The following PTPN21 variants were observed in gnomAD, a reference collection of about 807,000 sequenced individuals.
PTPN21 encodes the protein tyrosine-protein phosphatase non-receptor type 21.
A neutral mutation model predicts 131.8 loss-of-function variants in PTPN21; 77 were observed. That is an observed-to-expected ratio of 0.58 (90% CI 0.49 to 0.71). The LOEUF (loss-of-function observed/expected upper bound fraction) is 0.71. Ranked by LOEUF, PTPN21 falls within the 30% of genes least tolerant of loss-of-function variation. The probability of loss-of-function intolerance (pLI) is 0.00; values close to 1 mark genes in which losing one functional copy is unlikely to be tolerated. For missense variants in PTPN21, 1,552 were observed against 1,527.1 expected (o/e 1.02, Z -0.27); for synonymous variants, 715 against 621.3 (o/e 1.15, Z -2.24).
Position 88,480,046 on chromosome 14 carries a change from A to G in PTPN21, c.1385T>C (p.Leu462Pro), listed in dbSNP as rs771042956. The G allele has an allele frequency of 2.5e-6, 4 of 1,614,010 alleles. No individual in the cohort carries two copies. The East Asian group carries it at 6.7e-5, about 27-fold the overall frequency. Residue 462 changes from leucine (L) to proline (P), a missense_variant, in exon 13 of 19, where the codon CTG (leucine) becomes CCG (proline). Transcript: ENST00000556564. ...ETVMKQLNRG[L>P]VHAERQSHSL... is the part of the protein sequence containing the mutation. ...GTGGCTCTGCCGTTCCGCATGCACC[A>G]GGCCCCTGTTGAGCTGCTTCATCAC... is the stretch of plus-strand genomic sequence containing the variant.
chr14:88,549,249 A>G (rs2116444), intron 2 of PTPN21, among the ~76,000 whole-genome samples: 1 of 152,160 alleles, frequency 6.6e-6, no homozygotes, highest in African/African-American at 2.4e-5. Flanking sequence ...ACCTACCTTG[A>G]CTCTAAAAAA....
Position 88,479,512 on chromosome 14 carries a change from A to G in PTPN21, c.1919T>C (p.Val640Ala). 1 of 1,600,644 alleles carries G rather than the reference A, an allele frequency of 6.2e-7. No homozygotes were observed. Among genetic ancestry groups the G allele is most frequent in the Non-Finnish European group, 8.5e-7 (1 of 1,179,218 alleles). The change falls in exon 13 of 19, where the codon GTG (valine) becomes GCG (alanine). Residue 640 changes from valine to alanine, a missense_variant. Val to Ala is a moderately conservative substitution (Grantham distance 64). Transcript: ENST00000556564. ...CTCCAGGCCGTGGCTGAGCCCGGCC[A>G]CCTCGATGCTGTTCCGTTTGTGCAG... Reference protein sequence around the residue: ...AQLHKRNSIEVAGLSHGLEGL... With the variant: ...AQLHKRNSIEAAGLSHGLEGL...
rs373171808 is a variant in PTPN21, at chr14:88,522,399, C to T, written c.181-5138G>A. The stretch of plus-strand genomic sequence containing the variant: ...AGCATGCCACTGTACCACTGCACTC[C>T]AGCCTGGGCGACAGAGCAAGACTGT... On this transcript the variant is annotated intron_variant, in intron 2 of 18. Coordinates refer to ENST00000556564, the MANE Select transcript of PTPN21 (RefSeq NM_007039.4). Among the ~76,000 whole-genome samples, 55 of 137,688 alleles carry T rather than the reference C, an allele frequency of 4.0e-4. No individual in the cohort carries two copies. The East Asian group carries it at 7.0e-3, about 18-fold the overall frequency. 90.3% of individuals were successfully genotyped at this position (137,688 alleles called of 152,430 possible).
At chr14:88,495,203 C>T (rs1015109316) in intron 10 of PTPN21, among the ~76,000 whole-genome samples, 1 of 152,074 alleles carries the variant, frequency 6.6e-6, no homozygotes, top group Admixed American at 6.6e-5. Flanking sequence ...GCTGTTAACA[C>T]GAGTGGTAAA....
At chr14:88,521,638 C>A (rs2078395569) in intron 2 of PTPN21, among the ~76,000 whole-genome samples, 1 of 148,724 alleles carries the variant, frequency 6.7e-6, no homozygotes, top group Admixed American at 6.8e-5. Flanking sequence ...GTCTTGAACT[C>A]CTGACTTCAT....
chr14:88,499,783 G>A (rs2077981429), intron 8 of PTPN21, among the ~76,000 whole-genome samples: 1 of 152,134 alleles, frequency 6.6e-6, no homozygotes, highest in Admixed American at 6.5e-5. Flanking sequence ...ATAAGCTTTT[G>A]GTTGGACATG....
Position 88,509,065 on chromosome 14 carries a change from A to G in PTPN21, c.351-1045T>C, listed in dbSNP as rs370804164. ...GGACTGAACATACTCAAATAATAAT[A>G]TATGTGAAGGACCAAGAGCATAGCC... On this transcript the variant is annotated intron_variant, in intron 3 of 18. Transcript: ENST00000556564. 6.6e-5 allele frequency among the ~76,000 whole-genome samples: 10 copies of G among 152,306 alleles called. 1 individual carries two copies. In the South Asian group the frequency reaches 1.0e-3, roughly 16 times the overall value.
At chr14:88,505,635 T>TA (rs2078076679) in intron 4 of PTPN21, among the ~76,000 whole-genome samples, 1 of 152,222 alleles carries the variant, frequency 6.6e-6, no homozygotes, top group African/African-American at 2.4e-5. Flanking sequence ...ATTTTACAGT[T>TA]AAAATGCAAA....
chr14:88,476,657 G>A lies in PTPN21; in HGVS notation c.2511+2263C>T, dbSNP rs560115366. On this transcript the variant is annotated intron_variant, in intron 13 of 18. Coordinates refer to ENST00000556564, the MANE Select transcript of PTPN21 (RefSeq NM_007039.4). Reference sequence around the variant, plus strand: ...CTGATGTGGAAGCTGAGGTTCTGACGCATGAAGGGTCCTGACCGTGGTCAC... The same window carrying A: ...CTGATGTGGAAGCTGAGGTTCTGACACATGAAGGGTCCTGACCGTGGTCAC... Among the ~76,000 whole-genome samples, 12 of 152,248 alleles carry A rather than the reference G, an allele frequency of 7.9e-5. No homozygotes were observed. The South Asian group carries it at 2.5e-3, about 32-fold the overall frequency.
intron 2 of PTPN21, among the ~76,000 whole-genome samples, chr14:88,543,207 C>T (rs2078730457): frequency 1.3e-5 from 2 of 152,130 alleles, no homozygotes; most frequent in South Asian, 4.1e-4. Flanking sequence ...ATGCTTGATT[C>T]CTCTCTATTC....
At chr14:88,510,047 C>A (rs554850692) in intron 3 of PTPN21, among the ~76,000 whole-genome samples, 6 of 152,124 alleles carry the variant, frequency 3.9e-5, no homozygotes, top group South Asian at 2.1e-4. Flanking sequence ...AAACAAAAAA[C>A]AAAAAACATG....
In PTPN21 at chr14:88,496,476, G is replaced by A. The variant is rs955710965; in HGVS notation, c.869C>T (p.Ala290Val). Residue 290 changes from alanine (A) to valine (V), a missense_variant, in exon 10 of 19, where the codon GCA becomes GTA. Around this residue, in one of 4 missense-constraint regions of PTPN21, gnomAD observed 1,016 missense variants for 883.5 expected, o/e 1.15. Coordinates refer to ENST00000556564, the MANE Select transcript of PTPN21 (RefSeq NM_007039.4). ...AACACAGAGTCTCCAAATGTATTTT[G>A]CTGTTTCCATGTCTTCCTAGCAAAC... ...IQFQTEDMET[A>V]KYIWRLCVAR... 2 of 1,613,710 alleles carry A rather than the reference G, an allele frequency of 1.2e-6. No homozygotes were observed. Among genetic ancestry groups the A allele is most frequent in the African/African-American group, 1.3e-5 (1 of 74,922 alleles).
At chr14:88,468,823 A>G in intron 18 of PTPN21, 93 bp downstream of exon 18, 1 of 1,508,052 alleles carries the variant, frequency 6.6e-7, no homozygotes, top group Non-Finnish European at 9.2e-7. Flanking sequence ...GTCCAAGGAA[A>G]TGTGCGCAAA....
chr14:88,487,533 CTT>C (rs2077756622), intron 10 of PTPN21, among the ~76,000 whole-genome samples: 1 of 151,888 alleles, frequency 6.6e-6, no homozygotes, highest in Non-Finnish European at 1.5e-5. Context: ...TTATAAGACT[CTT>C]GAGATAAAAA....
chr14:88,527,633 T>C (rs574041587), intron 2 of PTPN21, among the ~76,000 whole-genome samples: 5 of 152,364 alleles, frequency 3.3e-5, no homozygotes, highest in African/African-American at 1.2e-4. Context: ...TGATTACTTC[T>C]TTTGCTGTGC....
chr14:88,476,598 C>T (rs544817659), intron 13 of PTPN21, among the ~76,000 whole-genome samples: 7 of 152,222 alleles, frequency 4.6e-5, no homozygotes, highest in East Asian at 3.9e-4. Context: ...AAGCAGGCAG[C>T]GAAGGGATGA....
At chr14:88,531,050 C>T (rs1200387437) in intron 2 of PTPN21, among the ~76,000 whole-genome samples, 1 of 152,070 alleles carries the variant, frequency 6.6e-6, no homozygotes, top group African/African-American at 2.4e-5. Flanking sequence ...CAAAACAAGG[C>T]TCAACAAATT....
chr14:88,473,938 C>T (rs1346496041), intron 13 of PTPN21, 136 bp from the exon 14 acceptor site: 5 of 647,498 alleles, frequency 7.7e-6, no homozygotes, highest in African/African-American at 1.9e-5. Context: ...AGATTACACT[C>T]CTTCACACAC....
intron 2 of PTPN21, among the ~76,000 whole-genome samples, chr14:88,525,023 G>C (rs537109244): frequency 6.6e-6 from 1 of 152,082 alleles, no homozygotes; most frequent in Non-Finnish European, 1.5e-5. Flanking sequence ...CAGGAGGACT[G>C]CTTGAGCTCA....
Sources: allele counts gnomAD v4.1 joint callset (sites outside exome capture counted in the v4.1 genomes callset), GRCh38; gene constraint gnomAD v4.1.1; regional missense constraint gnomAD v4.1.1; transcripts MANE v1.5; gene names NCBI Gene and HGNC (gene_info 2026-07-23, HGNC 2026-07-21).